The following TP53BP1 variants were observed in gnomAD, a reference collection of about 807,000 sequenced individuals.
TP53BP1 encodes the protein TP53-binding protein 1.
Under a neutral mutation model 200.8 loss-of-function variants are expected in TP53BP1, and 61 were observed. The observed-to-expected ratio is 0.30, with a 90% CI of 0.25 to 0.38. The LOEUF (loss-of-function observed/expected upper bound fraction) is 0.38, where lower values mean the gene tolerates loss of function less well. Among genes scored for constraint, TP53BP1 ranks in the 10% least tolerant of loss-of-function variants. The probability of loss-of-function intolerance (pLI) is 1.00; values close to 1 mark genes in which losing one functional copy is unlikely to be tolerated. For synonymous variants in TP53BP1, 822 were observed against 844.3 expected (o/e 0.97, Z 0.46); for missense variants, 2,144 against 2,371.9 (o/e 0.90, Z 2.00).
At position 43,446,462 on chromosome 15, in the gene TP53BP1, T is replaced by G. The variant is rs1566938581; in HGVS notation, c.2965A>C (p.Lys989Gln). The G allele has an allele frequency of 2.5e-6, 4 of 1,614,136 alleles. No homozygotes were observed. In the East Asian group the frequency reaches 6.7e-5, roughly 27 times the overall value. ...ACCAGTTTCATTCTTAGACATAATT[T>G]ATCATCCACGTCTGGGGCAGCCCCA... ...DSGAAPDVDDKLCLRMKLVSP... is the reference protein window; with the variant it reads ...DSGAAPDVDDQLCLRMKLVSP... The change falls in exon 14 of 28, where the codon AAA becomes CAA. Residue 989 changes from lysine to glutamine, a missense_variant. Transcript: ENST00000382044.
At chr15:43,438,675 T>C (rs2045855261) in intron 15 of TP53BP1, among the ~76,000 whole-genome samples, 1 of 101,010 alleles carries the variant, frequency 9.9e-6, no homozygotes, top group African/African-American at 4.2e-5. Flanking sequence ...ATCCAGAATG[T>C]AGAAAACCAT....
At chr15:43,418,832 A>C (rs2045327463) in intron 21 of TP53BP1, among the ~76,000 whole-genome samples, 1 of 152,236 alleles carries the variant, frequency 6.6e-6, no homozygotes. Context: ...AAGCAAAAAT[A>C]TCTCAATATC....
chr15:43,510,033 T>C (rs2079263455), intron 1 of TP53BP1, among the ~76,000 whole-genome samples: 1 of 151,920 alleles, frequency 6.6e-6, no homozygotes. Context: ...AACAGCACTT[T>C]TTTACAAAGA....
Position 43,409,636 on chromosome 15 carries a change from A to G in TP53BP1, c.5400+11T>C. ...TGCCACTATATTAGGTTACACAAAG[A>G]AACTCCTCACCTGGGCTTCATTGAA... On this transcript the variant is annotated intron_variant, in intron 25 of 27. Coordinates refer to ENST00000382044, the MANE Select transcript of TP53BP1 (RefSeq NM_001141980.3). 1 of 1,488,430 alleles carries G rather than the reference A, an allele frequency of 6.7e-7. No individual in the cohort carries two copies. Among genetic ancestry groups the G allele is most frequent in the Non-Finnish European group, 9.1e-7 (1 of 1,103,880 alleles). The allele number at this position is 1,488,430 out of a possible 1,614,324, so 92.2% of individuals were successfully genotyped here. A position where few individuals can be genotyped will look rare whatever the true frequency, so the allele number is the denominator to read the frequency against.
Position 43,405,272 on chromosome 15 carries a change from T to G in TP53BP1, c.*2111A>C. The G allele has an allele frequency of 6.3e-7, 1 of 1,585,166 alleles. No individual in the cohort carries two copies. ...ACGTTCCCAAGGTTGTAACAGAAGATTCAAAACATCCCATTCTAGCCACAC... is the reference window on the plus strand; with the variant it reads ...ACGTTCCCAAGGTTGTAACAGAAGAGTCAAAACATCCCATTCTAGCCACAC... On this transcript the variant is annotated 3_prime_UTR_variant, in exon 28 of 28. Transcript: ENST00000382044.
Position 43,457,060 on chromosome 15 carries a change from A to G in TP53BP1, c.1548T>C (p.Asp516=), listed in dbSNP as rs1195408525. Residue 516 remains aspartate, a synonymous_variant, in exon 12 of 28, where the codon GAT becomes GAC. Coordinates refer to ENST00000382044, the MANE Select transcript of TP53BP1 (RefSeq NM_001141980.3). ...TTGTAGAAAGCATCAACTTGCAAGA[A>G]TCCCCTGTCAAAGATAGCCCAAGAT... ...PEDLGLSLTG[D]SCKLMLSTSE... 1 of 1,614,072 alleles carries G rather than the reference A, an allele frequency of 6.2e-7. No homozygotes were observed. The highest frequency in any genetic ancestry group is 1.3e-5 in the African/African-American group (1 of 74,922).
intron 14 of TP53BP1, 119 bp downstream of exon 14, chr15:43,446,268 G>GT (rs1169945221): frequency 2.5e-6 from 2 of 799,394 alleles, no homozygotes; most frequent in East Asian, 5.4e-5. Flanking sequence ...ATCTATGAGT[G>GT]TAAGACTTTA....
At chr15:43,431,187 T>C (rs113597644) in intron 17 of TP53BP1, among the ~76,000 whole-genome samples, 54 of 152,298 alleles carry the variant, frequency 3.5e-4, no homozygotes, top group African/African-American at 1.3e-3. Flanking sequence ...GCACAGTATT[T>C]AAACCTTAGT....
Position 43,432,886 on chromosome 15 carries a change from A to G in TP53BP1, c.3192-209T>C, listed in dbSNP as rs146846262. The stretch of plus-strand genomic sequence containing the variant: ...TAATTTCACTCCTGTAAAAAAAATA[A>G]TGGTAGATAGAACAATTCCACCATG... On this transcript the variant is annotated intron_variant, in intron 16 of 27. Transcript: ENST00000382044. 1.8e-3 allele frequency among the ~76,000 whole-genome samples: 278 copies of G among 152,246 alleles called. 1 individual carries two copies. Among genetic ancestry groups the G allele is most frequent in the African/African-American group, 6.3e-3 (261 of 41,544 alleles).
chr15:43,436,737 C>T (rs985743597), intron 16 of TP53BP1, among the ~76,000 whole-genome samples: 10 of 151,708 alleles, frequency 6.6e-5, no homozygotes, highest in African/African-American at 2.2e-4. Flanking sequence ...CATGCTTTGG[C>T]CTCCAAGTGC....
chr15:43,488,696 C>G (rs144071938), intron 4 of TP53BP1, among the ~76,000 whole-genome samples: 41 of 152,234 alleles, frequency 2.7e-4, no homozygotes, highest in Admixed American at 9.8e-4. Context: ...GAGTTTAAGA[C>G]CAGCCTGGCC....
chr15:43,454,655 G>A (rs770430636), intron 12 of TP53BP1, among the ~76,000 whole-genome samples: 3 of 148,800 alleles, frequency 2.0e-5, no homozygotes, highest in Admixed American at 6.7e-5. Context: ...GAGCCACCAC[G>A]CCTGACCTAC....
intron 4 of TP53BP1, among the ~76,000 whole-genome samples, chr15:43,484,313 T>C (rs1465626737): frequency 6.6e-6 from 1 of 152,228 alleles, no homozygotes; most frequent in Non-Finnish European, 1.5e-5. Context: ...ATACTCAGAA[T>C]CTCACCATTC....
chr15:43,407,895 C>G (rs12593128), intron 27 of TP53BP1, 48 bp downstream of exon 27: 15 of 1,574,856 alleles, frequency 9.5e-6, no homozygotes, highest in African/African-American at 4.0e-5. Flanking sequence ...ACCTACAGGT[C>G]TAAGGAGATC....
chr15:43,510,578 A>C (rs1595642112), exon 1 of TP53BP1: 1 of 194,618 alleles, frequency 5.1e-6, no homozygotes, highest in South Asian at 1.0e-4. Flanking sequence ...GCAACGATAC[A>C]AACTCGGAGG....
rs531448307 is a variant in TP53BP1, at chr15:43,420,047, A to T, written c.4681+258T>A. On this transcript the variant is annotated intron_variant, in intron 21 of 27. Transcript: ENST00000382044. ...GAAAGCTGGATGAGGGGTATACAGG[A>T]ACTCTCTGTACTAGCAGTACTTTGT... Among the ~76,000 whole-genome samples the T allele has an allele frequency of 3.3e-5, 5 of 152,334 alleles. No homozygotes were observed. The South Asian group carries it at 1.0e-3, about 32-fold the overall frequency.
chr15:43,442,362 A>G (rs2045944587), intron 14 of TP53BP1, among the ~76,000 whole-genome samples: 1 of 152,150 alleles, frequency 6.6e-6, no homozygotes, highest in Non-Finnish European at 1.5e-5. Flanking sequence ...CTGGGATTAC[A>G]GGCAAGAGCC....
intron 15 of TP53BP1, among the ~76,000 whole-genome samples, chr15:43,440,285 G>A (rs1346106980): frequency 2.6e-5 from 4 of 152,008 alleles, no homozygotes; most frequent in African/African-American, 9.7e-5. Context: ...TGTCTTGCGG[G>A]CGGATCACGA....
intron 1 of TP53BP1, 121 bp downstream of exon 1, chr15:43,492,912 CTCCA>C: frequency 8.1e-7 from 1 of 1,230,640 alleles, no homozygotes. Context: ...CCTTAGGGCC[CTCCA>C]ACCCCTTCCC....
Sources: allele counts gnomAD v4.1 joint callset (sites outside exome capture counted in the v4.1 genomes callset), GRCh38; gene constraint gnomAD v4.1.1; transcripts MANE v1.5; gene names NCBI Gene and HGNC (gene_info 2026-07-23, HGNC 2026-07-21).